UCK2: variants seen among roughly 807,000 people sequenced by gnomAD.
UCK2 encodes the protein cytidine monophosphokinase 2.
UCK2 carries 6 observed loss-of-function variants against 30.8 expected under a neutral mutation model. That is an observed-to-expected ratio of 0.19 (90% CI 0.11 to 0.38). The LOEUF (loss-of-function observed/expected upper bound fraction) is 0.38, where lower values mean the gene tolerates loss of function less well. Ranked by LOEUF, UCK2 falls within the 10% of genes least tolerant of loss-of-function variation. The probability of loss-of-function intolerance (pLI) is 1.00; values close to 1 mark genes in which losing one functional copy is unlikely to be tolerated. For synonymous variants in UCK2, 125 were observed against 133.6 expected (o/e 0.94, Z 0.45); for missense variants, 210 against 339.8 (o/e 0.62, Z 3.00).
chr1:165,854,881 C>T (rs144025368), intron 1 of UCK2, among the ~76,000 whole-genome samples: 4 of 152,126 alleles, frequency 2.6e-5, no homozygotes, highest in South Asian at 4.1e-4. Context: ...ATCCCCAACT[C>T]GTACAGAACC....
In UCK2 at chr1:165,910,432, C is replaced by T. The variant is rs1424098394; in HGVS notation, c.*2609C>T. On this transcript the variant is annotated 3_prime_UTR_variant, in exon 7 of 7. Transcript: ENST00000367879. ...TTGGTTGTATGTGCATAGAAGTCCC[C>T]TGGCTCCAGAGCCATCCAGTGGTGC... 4 of 150,456 alleles carry T rather than the reference C, an allele frequency of 2.7e-5. No individual in the cohort carries two copies. Among genetic ancestry groups the T allele is most frequent in the African/African-American group, 1.0e-4 (4 of 39,638 alleles). The allele number at this position is 150,456 out of a possible 1,614,324, so 9.3% of individuals were successfully genotyped here.
chr1:165,858,083 T>A (rs538759196), intron 1 of UCK2, among the ~76,000 whole-genome samples: 1 of 152,186 alleles, frequency 6.6e-6, no homozygotes, highest in Non-Finnish European at 1.5e-5. Context: ...CAAAAACTCA[T>A]GAGTTCAGGA....
intron 1 of UCK2, among the ~76,000 whole-genome samples, chr1:165,856,542 A>C (rs1179112006): frequency 1.4e-5 from 2 of 142,514 alleles, no homozygotes; most frequent in African/African-American, 2.6e-5. Flanking sequence ...CTTGGTTCTT[A>C]GTTTAAAAAT....
At chr1:165,870,272 T>C (rs1655164506) in intron 1 of UCK2, among the ~76,000 whole-genome samples, 2 of 150,706 alleles carry the variant, frequency 1.3e-5, no homozygotes, top group Non-Finnish European at 3.0e-5. Context: ...ATAATTTTAA[T>C]ATGTGAATGA....
chr1:165,827,744 G>A lies in UCK2; in HGVS notation c.-90G>A. ...TCAGCCCCGGCAGCGCCCAGCGGCG[G>A]CTGCGGAAAGCGGAGGGAGTCCGAC... On this transcript the variant is annotated 5_prime_UTR_variant, in exon 1 of 7. Transcript: ENST00000367879. The A allele has an allele frequency of 2.6e-6, 3 of 1,170,276 alleles. No individual in the cohort carries two copies. Among genetic ancestry groups the A allele is most frequent in the Non-Finnish European group, 3.3e-6 (3 of 915,558 alleles). 72.5% of individuals were successfully genotyped at this position (1,170,276 alleles called of 1,614,324 possible). A position where few individuals can be genotyped will look rare whatever the true frequency, so the allele number is the denominator to read the frequency against.
intron 5 of UCK2, 78 bp downstream of exon 5, chr1:165,903,357 G>A: frequency 5.5e-6 from 7 of 1,283,916 alleles, no homozygotes; most frequent in Non-Finnish European, 7.8e-6. Context: ...GTGCAAGTTT[G>A]TGGAGCTCCC....
At chr1:165,901,842 T>G (rs1182940409) in intron 4 of UCK2, among the ~76,000 whole-genome samples, 3 of 150,194 alleles carry the variant, frequency 2.0e-5, no homozygotes, top group African/African-American at 7.4e-5. Flanking sequence ...AAAGAGTGTA[T>G]GGGCTGCCTA....
intron 1 of UCK2, among the ~76,000 whole-genome samples, chr1:165,835,090 A>G (rs1275707434): frequency 6.6e-6 from 1 of 152,068 alleles, no homozygotes; most frequent in Admixed American, 6.6e-5. Flanking sequence ...TGTCCTCTAG[A>G]AGTCCAAAGT....
chr1:165,875,138 A>G (rs1160818590), intron 1 of UCK2, among the ~76,000 whole-genome samples: 2 of 152,094 alleles, frequency 1.3e-5, no homozygotes, highest in South Asian at 2.1e-4. Context: ...TTTATTGAAC[A>G]TATAGTTTGT....
At chr1:165,841,874 C>T (rs1219549847) in intron 1 of UCK2, among the ~76,000 whole-genome samples, 2 of 152,172 alleles carry the variant, frequency 1.3e-5, no homozygotes, top group Non-Finnish European at 2.9e-5. Context: ...TCAGTTATCC[C>T]TCTTGTGTCC....
chr1:165,880,564 GGGGTGTGTGTGT>G (rs1237067754), intron 1 of UCK2, among the ~76,000 whole-genome samples: 54 of 100,058 alleles, frequency 5.4e-4, no homozygotes, highest in African/African-American at 1.6e-3. Flanking sequence ...GTTTTTTTTG[GGGGTGTGTGTGT>G]GTGTGTGTGT....
chr1:165,867,729 C>T (rs1439056457), intron 1 of UCK2, among the ~76,000 whole-genome samples: 1 of 152,178 alleles, frequency 6.6e-6, no homozygotes, highest in Non-Finnish European at 1.5e-5. Flanking sequence ...TTGCTGTTTC[C>T]ACTACATCTG....
chr1:165,877,509 T>A (rs920671321), intron 1 of UCK2, among the ~76,000 whole-genome samples: 1 of 152,230 alleles, frequency 6.6e-6, no homozygotes, highest in Non-Finnish European at 1.5e-5. Context: ...TATACAAATA[T>A]AACCATACTG....
chr1:165,863,530 C>T (rs1001154642), intron 1 of UCK2, among the ~76,000 whole-genome samples: 6 of 152,186 alleles, frequency 3.9e-5, no homozygotes, highest in Admixed American at 3.3e-4. Flanking sequence ...AATGTGTTTC[C>T]GTGTTGCACA....
intron 5 of UCK2, among the ~76,000 whole-genome samples, chr1:165,905,067 C>T (rs573536473): frequency 6.6e-6 from 1 of 152,262 alleles, no homozygotes; most frequent in East Asian, 1.9e-4. Context: ...GAACCAGTCC[C>T]CTGGAAAGTT....
At chr1:165,863,767 A>G (rs16851949) in intron 1 of UCK2, among the ~76,000 whole-genome samples, 15,665 of 152,286 alleles carry the variant, frequency 0.1, 1,176 homozygotes, top group East Asian at 0.33. Flanking sequence ...ACAGAATATT[A>G]GTAGTAGACT....
chr1:165,845,088 G>A (rs1391936076), intron 1 of UCK2, among the ~76,000 whole-genome samples: 1 of 152,196 alleles, frequency 6.6e-6, no homozygotes, highest in Non-Finnish European at 1.5e-5. Flanking sequence ...CCTGGGACCT[G>A]CCATTGGCAT....
intron 1 of UCK2, among the ~76,000 whole-genome samples, chr1:165,831,235 C>T (rs750910231): frequency 3.9e-5 from 6 of 152,122 alleles, no homozygotes; most frequent in Admixed American, 6.5e-5. Context: ...CCCGTCTCTA[C>T]GAAAAATTAA....
chr1:165,828,625 C>T (rs1571258875), intron 1 of UCK2, among the ~76,000 whole-genome samples: 4 of 152,302 alleles, frequency 2.6e-5, no homozygotes, highest in African/African-American at 7.2e-5. Context: ...GTTGTACTGG[C>T]TCCAAGCTCT....
Sources: gnomAD v4.1 joint callset for allele counts (sites outside exome capture counted in the v4.1 genomes callset) on GRCh38, gnomAD v4.1.1 for gene constraint, MANE v1.5 for transcripts, NCBI Gene and HGNC (gene_info 2026-07-23, HGNC 2026-07-21) for gene names.